The following RALYL variants were observed in gnomAD, a reference collection of about 807,000 sequenced individuals.
RALYL encodes the protein RNA-binding Raly-like protein.
In RALYL, 29 loss-of-function variants were observed where a neutral mutation model predicts 35.1. That is an observed-to-expected ratio of 0.83 (90% CI 0.61 to 1.13). The LOEUF (loss-of-function observed/expected upper bound fraction) is 1.13, where lower values mean the gene tolerates loss of function less well. Ranked by LOEUF, RALYL falls within the 50% of genes most tolerant of loss-of-function variation. The pLI, the probability that RALYL is intolerant of heterozygous loss-of-function variation, is 0.00. For missense variants in RALYL, 359 were observed against 360.4 expected, an observed-to-expected ratio of 1.00 and a Z score of 0.03; for synonymous variants, 120 against 127.6, an observed-to-expected ratio of 0.94 and a Z score of 0.40.
chr8:84,779,100 T>C (rs1817514640), intron 3 of RALYL, among the ~76,000 whole-genome samples: 1 of 152,194 alleles, frequency 6.6e-6, no homozygotes. Flanking sequence ...TAATGGTGAA[T>C]AGCTAATCCA....
At chr8:84,404,090 T>C (rs971347820) in intron 1 of RALYL, among the ~76,000 whole-genome samples, 2 of 143,880 alleles carry the variant, frequency 1.4e-5, no homozygotes, top group African/African-American at 5.9e-5. Flanking sequence ...GACAATAGGG[T>C]TTCTAAATAT....
At chr8:84,872,186 G>T (rs2135225971) in intron 6 of RALYL, among the ~76,000 whole-genome samples, 1 of 152,166 alleles carries the variant, frequency 6.6e-6, no homozygotes, top group Non-Finnish European at 1.5e-5. Flanking sequence ...CATTGTAATG[G>T]CTTTAAAATC....
chr8:84,856,752 G>A (rs1837067105), intron 5 of RALYL, among the ~76,000 whole-genome samples: 1 of 152,272 alleles, frequency 6.6e-6, no homozygotes, highest in Admixed American at 6.5e-5. Context: ...TTGTGGGCCG[G>A]GCGCGGTGGC....
At chr8:84,326,379 C>G (rs1004908821) in intron 1 of RALYL, among the ~76,000 whole-genome samples, 1 of 152,126 alleles carries the variant, frequency 6.6e-6, no homozygotes, top group African/African-American at 2.4e-5. Context: ...TGACCACTTA[C>G]TGTCCCAATT....
At chr8:84,595,933 G>C (rs1253735379) in intron 2 of RALYL, among the ~76,000 whole-genome samples, 2 of 152,002 alleles carry the variant, frequency 1.3e-5, no homozygotes, top group Non-Finnish European at 2.9e-5. Flanking sequence ...CAAGGTGAGA[G>C]AAACTTGCAT....
At chr8:84,498,991 A>G (rs993200003) in intron 1 of RALYL, among the ~76,000 whole-genome samples, 1 of 152,166 alleles carries the variant, frequency 6.6e-6, no homozygotes. Context: ...CCTTGGATAA[A>G]TAGGAGTTTT....
intron 8 of RALYL, among the ~76,000 whole-genome samples, chr8:84,894,601 G>T (rs139026464): frequency 1.3e-5 from 2 of 152,092 alleles, no homozygotes; most frequent in African/African-American, 2.4e-5. Flanking sequence ...GACCTGCATG[G>T]GTCATGCATG....
At chr8:84,445,652 A>G (rs1333536181) in intron 1 of RALYL, among the ~76,000 whole-genome samples, 3 of 151,604 alleles carry the variant, frequency 2.0e-5, no homozygotes, top group Middle Eastern at 3.2e-3. Context: ...TTTGTTATCA[A>G]TAATGAATTA....
chr8:84,769,032 T>C (rs938143860), intron 2 of RALYL, among the ~76,000 whole-genome samples: 4 of 152,218 alleles, frequency 2.6e-5, no homozygotes, highest in African/African-American at 9.6e-5. Context: ...TCTCAAGCTT[T>C]TTATTTATTG....
intron 2 of RALYL, among the ~76,000 whole-genome samples, chr8:84,697,817 C>A (rs967910464): frequency 2.0e-5 from 3 of 152,030 alleles, no homozygotes; most frequent in African/African-American, 7.2e-5. Context: ...TTAGCTCCCA[C>A]TTACAAGGGA....
Position 84,450,175 on chromosome 8 carries a change from C to A in RALYL, c.-23-79124C>A, listed in dbSNP as rs1331681212. On this transcript the variant is annotated intron_variant, in intron 1 of 8. Transcript: ENST00000521268. ...CAGCTTATGTTATTGGATCAGAATT[C>A]TATAAAACTAATAAAGGAAATATAA... 4.6e-5 allele frequency among the ~76,000 whole-genome samples: 7 copies of A among 151,846 alleles called. No individual in the cohort carries two copies. The South Asian group carries it at 8.3e-4, about 18-fold the overall frequency.
At chr8:84,485,083 T>A (rs2054467928) in intron 1 of RALYL, among the ~76,000 whole-genome samples, 1 of 152,150 alleles carries the variant, frequency 6.6e-6, no homozygotes, top group African/African-American at 2.4e-5. Flanking sequence ...TGAGCATCGT[T>A]GTAGCTTTAT....
chr8:84,468,919 C>T (rs1410437962), intron 1 of RALYL, among the ~76,000 whole-genome samples: 1 of 151,782 alleles, frequency 6.6e-6, no homozygotes, highest in Non-Finnish European at 1.5e-5. Flanking sequence ...GATACCCTTT[C>T]TTCCAGTTGA....
chr8:84,344,145 G>A (rs1849377333), intron 1 of RALYL, among the ~76,000 whole-genome samples: 1 of 151,796 alleles, frequency 6.6e-6, no homozygotes, highest in South Asian at 2.1e-4. Flanking sequence ...TTTCTCTTTA[G>A]TTTATATTTT....
At chr8:84,559,856 G>C (rs1227916889) in intron 2 of RALYL, among the ~76,000 whole-genome samples, 1 of 151,884 alleles carries the variant, frequency 6.6e-6, no homozygotes, top group African/African-American at 2.4e-5. Flanking sequence ...GTAAGAAACA[G>C]GGGGGAAAGG....
At chr8:84,326,729 G>A (rs1845869368) in intron 1 of RALYL, among the ~76,000 whole-genome samples, 1 of 152,212 alleles carries the variant, frequency 6.6e-6, no homozygotes, top group Non-Finnish European at 1.5e-5. Context: ...GCAATTATAT[G>A]TGACAGATAT....
At chr8:84,911,982 C>A (rs1847581852) in intron 8 of RALYL, among the ~76,000 whole-genome samples, 2 of 152,082 alleles carry the variant, frequency 1.3e-5, no homozygotes, top group Non-Finnish European at 2.9e-5. Context: ...CTATTTTCAC[C>A]AAGTGAGAAC....
chr8:84,789,180 G>A (rs542729516), intron 3 of RALYL, among the ~76,000 whole-genome samples: 1 of 152,274 alleles, frequency 6.6e-6, no homozygotes, highest in South Asian at 2.1e-4. Context: ...GCAACAAATG[G>A]TAATGAGTCT....
chr8:84,823,709 TTC>T (rs1159963942), intron 4 of RALYL, among the ~76,000 whole-genome samples: 3 of 152,116 alleles, frequency 2.0e-5, no homozygotes, highest in Admixed American at 1.3e-4. Flanking sequence ...CCTTCTTTTC[TTC>T]TCTCTTTCCT....
Sources: gnomAD v4.1 joint callset for allele counts (sites outside exome capture counted in the v4.1 genomes callset) on GRCh38, gnomAD v4.1.1 for gene constraint, MANE v1.5 for transcripts, NCBI Gene and HGNC (gene_info 2026-07-23, HGNC 2026-07-21) for gene names.